TDRD3: variants seen among roughly 807,000 people sequenced by gnomAD.
TDRD3 encodes tudor domain-containing protein 3.
A neutral mutation model predicts 86.7 loss-of-function variants in TDRD3; 45 were observed. That is an observed-to-expected ratio of 0.52 (90% CI 0.41 to 0.67). The LOEUF (loss-of-function observed/expected upper bound fraction) is 0.67. Ranked by LOEUF, TDRD3 falls within the 30% of genes least tolerant of loss-of-function variation. TDRD3 has a pLI of 0.00. For missense variants in TDRD3, 814 were observed against 889.0 expected (o/e 0.92, Z 1.07); for synonymous variants, 298 against 301.7 (o/e 0.99, Z 0.13).
At chr13:60,399,890 A>G (rs992920665) in intron 1 of TDRD3, among the ~76,000 whole-genome samples, 1 of 152,240 alleles carries the variant, frequency 6.6e-6, no homozygotes. Context: ...TATGTAGACC[A>G]ATCTGTTCAA....
At chr13:60,520,249 T>G (rs1007000249) in intron 10 of TDRD3, among the ~76,000 whole-genome samples, 1 of 152,208 alleles carries the variant, frequency 6.6e-6, no homozygotes, top group Non-Finnish European at 1.5e-5. Flanking sequence ...CCATGCCAGA[T>G]TAAAACTAAT....
chr13:60,400,469 G>T (rs530646771), intron 1 of TDRD3, among the ~76,000 whole-genome samples: 1 of 152,162 alleles, frequency 6.6e-6, no homozygotes, highest in Non-Finnish European at 1.5e-5. Context: ...CTGGCTGGGC[G>T]CAGTGGTGGC....
intron 3 of TDRD3, among the ~76,000 whole-genome samples, chr13:60,457,410 G>A (rs911462441): frequency 4.6e-5 from 7 of 152,294 alleles, no homozygotes; most frequent in Admixed American, 3.3e-4. Context: ...CCAAATGGAC[G>A]CATTAACTGA....
chr13:60,500,510 A>G (rs1388597032), intron 8 of TDRD3, among the ~76,000 whole-genome samples: 1 of 152,202 alleles, frequency 6.6e-6, no homozygotes, highest in Non-Finnish European at 1.5e-5. Context: ...GGCACCACCC[A>G]AAAGTGGACA....
At chr13:60,437,252 G>T (rs979125498) in intron 1 of TDRD3, among the ~76,000 whole-genome samples, 1 of 147,852 alleles carries the variant, frequency 6.8e-6, no homozygotes, top group Non-Finnish European at 1.5e-5. Flanking sequence ...TCAGCCTCCC[G>T]AGTAGCTGTG....
rs558007214 is a variant in TDRD3, at chr13:60,572,227, C to T, written c.*10-1389C>T. Among the ~76,000 whole-genome samples, 4 of 152,190 alleles carry T rather than the reference C, an allele frequency of 2.6e-5. No individual in the cohort carries two copies. In the South Asian group the frequency reaches 8.3e-4, roughly 32 times the overall value. ...AAGTTTAAACGAGGGAAGCAGAGTC[C>T]ACAGCAAGTGGCTCTCAGTGGCTAC... On this transcript the variant is annotated intron_variant, in intron 13 of 13. Transcript: ENST00000377881.
intron 13 of TDRD3, among the ~76,000 whole-genome samples, chr13:60,572,984 A>G (rs1958620841): frequency 6.6e-6 from 1 of 152,172 alleles, no homozygotes; most frequent in African/African-American, 2.4e-5. Context: ...CCCAAGACTT[A>G]CGAGCTGTTT....
At chr13:60,452,418 C>A (rs1258456199) in intron 3 of TDRD3, among the ~76,000 whole-genome samples, 1 of 151,970 alleles carries the variant, frequency 6.6e-6, no homozygotes, top group East Asian at 1.9e-4. Flanking sequence ...TTCTATTCTT[C>A]TTCTTATTCC....
intron 4 of TDRD3, among the ~76,000 whole-genome samples, chr13:60,462,671 TTTATTA>T (rs564814817): frequency 4.0e-4 from 60 of 151,816 alleles, no homozygotes; most frequent in Non-Finnish European, 7.8e-4. Flanking sequence ...CTTGCTAGTT[TTTATTA>T]TTATTATTAT....
At chr13:60,454,974 C>T (rs1452302036) in intron 3 of TDRD3, among the ~76,000 whole-genome samples, 4 of 151,972 alleles carry the variant, frequency 2.6e-5, no homozygotes, top group African/African-American at 9.7e-5. Flanking sequence ...AGTGCAGTGG[C>T]GCGATCTCGG....
At position 60,397,320 on chromosome 13, in the gene TDRD3, C is replaced by CAAA; in HGVS notation, c.-44_-43insAAA. 2.5e-6 allele frequency: 2 copies of CAAA among 810,598 alleles called. No homozygotes were observed. Among genetic ancestry groups the CAAA allele is most frequent in the South Asian group, 1.9e-5 (1 of 54,048 alleles). The allele number at this position is 810,598 out of a possible 1,614,324, so 50.2% of individuals were successfully genotyped here. Reference sequence around the variant, plus strand: ...GGTCTCAAGTAGGAGGCCTCCCCATCACCCCCACCCCAGCCCCCCACCACC... The same window carrying CAAA: ...GGTCTCAAGTAGGAGGCCTCCCCATCAAAACCCCCACCCCAGCCCCCCACCACC... On this transcript the variant is annotated 5_prime_UTR_variant, in exon 1 of 14. Transcript: ENST00000377881.
At chr13:60,530,089 C>T (rs571024611) in intron 11 of TDRD3, among the ~76,000 whole-genome samples, 13 of 152,352 alleles carry the variant, frequency 8.5e-5, no homozygotes, top group African/African-American at 3.1e-4. Flanking sequence ...ACATTATTCT[C>T]TTAATCAGTG....
At chr13:60,457,600 G>T (rs1362399416) in intron 3 of TDRD3, among the ~76,000 whole-genome samples, 3 of 152,210 alleles carry the variant, frequency 2.0e-5, no homozygotes, top group African/African-American at 7.2e-5. Context: ...CCATAAGTGG[G>T]TATAGTAGTT....
intron 10 of TDRD3, among the ~76,000 whole-genome samples, chr13:60,522,183 A>G (rs1236425935): frequency 6.6e-6 from 1 of 152,132 alleles, no homozygotes; most frequent in Non-Finnish European, 1.5e-5. Context: ...TGATTTTCTG[A>G]TGTATCTAAA....
At position 60,465,451 on chromosome 13, in the gene TDRD3, G is replaced by A. The variant is rs570145592; in HGVS notation, c.354-1787G>A. On this transcript the variant is annotated intron_variant, in intron 4 of 13. Coordinates refer to ENST00000377881, the MANE Select transcript of TDRD3 (RefSeq NM_001146070.2). ...ACCACAGCTCTCTACTTAAGGGTTA[G>A]GTTAGGTAAGGCTGTTCATGACCAT... Among the ~76,000 whole-genome samples the A allele has an allele frequency of 2.6e-5, 4 of 152,250 alleles. No individual in the cohort carries two copies. The South Asian group carries it at 8.3e-4, about 32-fold the overall frequency.
At chr13:60,506,560 C>T (rs2137635775) in intron 8 of TDRD3, among the ~76,000 whole-genome samples, 1 of 152,210 alleles carries the variant, frequency 6.6e-6, no homozygotes, top group Non-Finnish European at 1.5e-5. Context: ...AGTTTGAGAC[C>T]AGCCTGGCTA....
intron 3 of TDRD3, among the ~76,000 whole-genome samples, chr13:60,459,861 T>C (rs1368162131): frequency 6.6e-6 from 1 of 152,174 alleles, no homozygotes. Context: ...CCTCAGGTAA[T>C]CCACCTGCCT....
At chr13:60,407,957 C>T (rs772001017) in intron 1 of TDRD3, among the ~76,000 whole-genome samples, 11 of 152,132 alleles carry the variant, frequency 7.2e-5, no homozygotes, top group African/African-American at 2.4e-4. Flanking sequence ...ATAGTGAATA[C>T]GTCTCGTGAG....
chr13:60,434,470 A>G (rs1955038671), intron 1 of TDRD3, among the ~76,000 whole-genome samples: 1 of 151,964 alleles, frequency 6.6e-6, no homozygotes, highest in Non-Finnish European at 1.5e-5. Context: ...TGTTTAAAAA[A>G]AAAAAAAAAA....
Sources: allele counts gnomAD v4.1 joint callset (sites outside exome capture counted in the v4.1 genomes callset), GRCh38; gene constraint gnomAD v4.1.1; transcripts MANE v1.5; gene names NCBI Gene and HGNC (gene_info 2026-07-23, HGNC 2026-07-21).